KDM4B: variants seen among roughly 807,000 people sequenced by gnomAD.
KDM4B encodes lysine-specific demethylase 4B.
A neutral mutation model predicts 125.2 loss-of-function variants in KDM4B; 32 were observed. That is an observed-to-expected ratio of 0.26 (90% CI 0.19 to 0.34). The LOEUF is 0.34. KDM4B is among the 10% of genes least tolerant of loss of function. KDM4B has a pLI of 1.00. For synonymous variants in KDM4B, 721 were observed against 677.9 expected, an observed-to-expected ratio of 1.06 and a Z score of -0.99; for missense variants, 1,190 against 1,577.7, an observed-to-expected ratio of 0.75 and a Z score of 4.16.
chr19:5,103,229 A>G (rs2038971053), intron 9 of KDM4B, among the ~76,000 whole-genome samples: 1 of 152,194 alleles, frequency 6.6e-6, no homozygotes, highest in African/African-American at 2.4e-5. Flanking sequence ...TGCAGCAGGC[A>G]CCACACGAGC....
chr19:5,132,978 T>G (rs1364330443), intron 13 of KDM4B, among the ~76,000 whole-genome samples: 1 of 152,118 alleles, frequency 6.6e-6, no homozygotes, highest in Non-Finnish European at 1.5e-5. Context: ...GGCCTCCACC[T>G]CGGGGAGCCT....
rs1364163259 is a variant in KDM4B at position 5,081,188 on chromosome 19, A to C, written c.781-1179A>C. ...AAAGATGAGGAGCCCACTTGACTTC[A>C]AGGATTCTAGTTCATGAGCCTCAGT... On this transcript the variant is annotated intron_variant, in intron 8 of 22. Coordinates refer to ENST00000159111, the MANE Select transcript of KDM4B (RefSeq NM_015015.3). The surrounding 1 kb of genome is among the most constrained non-coding windows in gnomAD (Gnocchi z 4.2). Among the ~76,000 whole-genome samples, 6 of 152,172 alleles carry C rather than the reference A, an allele frequency of 3.9e-5. No individual in the cohort carries two copies. The highest frequency in any genetic ancestry group is 5.9e-5 in the Non-Finnish European group (4 of 68,028).
intron 11 of KDM4B, 88 bp from the exon 12 acceptor site, chr19:5,130,988 C>A: frequency 9.9e-7 from 1 of 1,007,380 alleles, no homozygotes; most frequent in Non-Finnish European, 1.4e-6. Flanking sequence ...TCGACCATCC[C>A]AGTCAAAGTT....
chr19:5,125,262 C>T (rs2039429310), intron 11 of KDM4B, among the ~76,000 whole-genome samples: 1 of 151,346 alleles, frequency 6.6e-6, no homozygotes. Context: ...ACACCCTCCC[C>T]AGCCCCGGCG....
At position 5,150,440 on chromosome 19, in the gene KDM4B, G is replaced by A. The variant is rs1362124908; in HGVS notation, c.3104G>A (p.Arg1035His). ...GAGGAGGAGCTGCCCAAGAGGGTCCGCTCTCGGCTGGTGAGTGCGCGAGGC... is the reference window on the plus strand; with the variant it reads ...GAGGAGGAGCTGCCCAAGAGGGTCCACTCTCGGCTGGTGAGTGCGCGAGGC... The part of the protein sequence containing the change: ...TLEEELPKRV[R>H]SRLSLSTGAP... The change falls in exon 22 of 23, where the codon CGC (arginine) becomes CAC (histidine). Residue 1035 changes from arginine (R) to histidine (H), a missense_variant. Arg to His is a conservative substitution (Grantham distance 29). This residue lies in a region of KDM4B where 298 missense variants were observed against 439.7 expected (regional missense o/e 0.68). Coordinates refer to ENST00000159111, the MANE Select transcript of KDM4B (RefSeq NM_015015.3). The A allele has an allele frequency of 1.9e-6, 3 of 1,550,004 alleles. No individual in the cohort carries two copies. Among genetic ancestry groups the A allele is most frequent in the Non-Finnish European group, 2.6e-6 (3 of 1,146,476 alleles).
chr19:5,150,788 G>A (rs1018579086), intron 22 of KDM4B, among the ~76,000 whole-genome samples: 2 of 152,212 alleles, frequency 1.3e-5, no homozygotes, highest in African/African-American at 4.8e-5. Flanking sequence ...ACCCTGCACA[G>A]GGCGGCCTCT....
chr19:5,094,491 T>G (rs1244990513), intron 9 of KDM4B, among the ~76,000 whole-genome samples: 1 of 151,934 alleles, frequency 6.6e-6, no homozygotes, highest in Non-Finnish European at 1.5e-5. Context: ...GAAGGGACTA[T>G]GGGAGAGATG....
chr19:5,073,579 A>G (rs1346419744), intron 7 of KDM4B, among the ~76,000 whole-genome samples: 1 of 152,230 alleles, frequency 6.6e-6, no homozygotes, highest in Non-Finnish European at 1.5e-5. Flanking sequence ...TGCATTAGAA[A>G]AGCAGAGGTT....
intron 21 of KDM4B, among the ~76,000 whole-genome samples, chr19:5,148,824 C>T (rs774488792): frequency 2.2e-4 from 33 of 152,344 alleles, no homozygotes; most frequent in Non-Finnish European, 4.1e-4. Context: ...ACCGGACAGA[C>T]GCTGGGAAGG....
chr19:5,071,402 G>A (rs1286110662), intron 7 of KDM4B, among the ~76,000 whole-genome samples: 2 of 152,224 alleles, frequency 1.3e-5, no homozygotes, highest in African/African-American at 4.8e-5. Context: ...CCCATCACCT[G>A]ACCCCACACT....
chr19:4,978,087 C>G (rs939997333), intron 1 of KDM4B, among the ~76,000 whole-genome samples: 4 of 152,270 alleles, frequency 2.6e-5, no homozygotes, highest in African/African-American at 9.6e-5. Flanking sequence ...AGAAGATTGC[C>G]GTCCCTAGCA....
intron 1 of KDM4B, among the ~76,000 whole-genome samples, chr19:5,008,896 T>G: frequency 6.9e-6 from 1 of 143,968 alleles, no homozygotes; most frequent in Non-Finnish European, 1.5e-5. Context: ...TGACCATGCC[T>G]GGCCCCTGCC....
intron 11 of KDM4B, among the ~76,000 whole-genome samples, chr19:5,129,104 G>C (rs1397628709): frequency 2.0e-5 from 3 of 152,228 alleles, no homozygotes; most frequent in Non-Finnish European, 4.4e-5. Context: ...TTGAGAAACA[G>C]GTGGGCGTGT....
intron 7 of KDM4B, chr19:5,074,112 TCAG>T (rs1202161049): frequency 6.5e-6 from 1 of 152,974 alleles, no homozygotes; most frequent in Non-Finnish European, 1.5e-5. Flanking sequence ...TAGTCACCCT[TCAG>T]CAGGGCAGAG....
intron 5 of KDM4B, among the ~76,000 whole-genome samples, chr19:5,041,748 C>T (rs1311568528): frequency 6.6e-6 from 1 of 152,260 alleles, no homozygotes; most frequent in Non-Finnish European, 1.5e-5. Flanking sequence ...ATGAGGGCAG[C>T]TGGCCGGCAT....
intron 2 of KDM4B, among the ~76,000 whole-genome samples, chr19:5,025,723 G>A (rs1599443201): frequency 1.3e-5 from 2 of 152,274 alleles, no homozygotes; most frequent in Admixed American, 1.3e-4. Context: ...CCTTCCCTTT[G>A]CCTAGACTTT....
At chr19:4,979,472 A>G (rs2034565046) in intron 1 of KDM4B, among the ~76,000 whole-genome samples, 1 of 152,150 alleles carries the variant, frequency 6.6e-6, no homozygotes, top group Admixed American at 6.5e-5. Flanking sequence ...CTGAGAGGGG[A>G]TGGGGTCAGG....
intron 9 of KDM4B, among the ~76,000 whole-genome samples, chr19:5,103,028 A>G (rs2613743): frequency 0.41 from 62,320 of 152,100 alleles, 13,099 homozygotes; most frequent in East Asian, 0.69. Flanking sequence ...CACCTCTCCC[A>G]CACAGGCCAG....
At chr19:5,070,787 G>A (rs1268042602) in intron 6 of KDM4B, 2 of 492,356 alleles carry the variant, frequency 4.1e-6, no homozygotes, top group Admixed American at 3.7e-5. Flanking sequence ...CCGAGCCATG[G>A]TCCTCACTCC....
Sources: allele counts gnomAD v4.1 joint callset (sites outside exome capture counted in the v4.1 genomes callset), GRCh38; gene constraint gnomAD v4.1.1; regional missense constraint gnomAD v4.1.1; non-coding constraint Gnocchi (gnomAD v3.1); transcripts MANE v1.5; gene names NCBI Gene and HGNC (gene_info 2026-07-23, HGNC 2026-07-21).